UBE2E2: variants seen among roughly 807,000 people sequenced by gnomAD.
UBE2E2 encodes ubiquitin conjugating enzyme E2 E2, also known as ubiquitin-conjugating enzyme E2 E2.
A neutral mutation model predicts 24.7 loss-of-function variants in UBE2E2; 6 were observed. The observed-to-expected ratio is 0.24, with a 90% CI of 0.13 to 0.48. The LOEUF (loss-of-function observed/expected upper bound fraction) is 0.48. Among genes scored for constraint, UBE2E2 ranks in the 20% least tolerant of loss-of-function variants. UBE2E2 has a pLI of 0.99. For synonymous variants in UBE2E2, 104 were observed against 83.6 expected (o/e 1.24, Z -1.33); for missense variants, 169 against 245.0 (o/e 0.69, Z 2.07).
At chr3:23,304,041 G>A (rs1009621989) in intron 3 of UBE2E2, among the ~76,000 whole-genome samples, 13 of 152,130 alleles carry the variant, frequency 8.5e-5, no homozygotes, top group African/African-American at 3.1e-4. Context: ...CACGACTGTT[G>A]GGTAATTTCA....
At chr3:23,243,533 C>G (rs1187323960) in intron 3 of UBE2E2, among the ~76,000 whole-genome samples, 1 of 152,072 alleles carries the variant, frequency 6.6e-6, no homozygotes, top group African/African-American at 2.4e-5. Flanking sequence ...TAAAGAACAA[C>G]ATATATTCGT....
At chr3:23,380,019 C>G (rs994073990) in intron 3 of UBE2E2, among the ~76,000 whole-genome samples, 3 of 144,970 alleles carry the variant, frequency 2.1e-5, no homozygotes, top group Non-Finnish European at 3.0e-5. Context: ...TGAAACTACA[C>G]TAGAGCTAAA....
At chr3:23,539,522 C>T (rs955596070) in intron 5 of UBE2E2, among the ~76,000 whole-genome samples, 3 of 152,112 alleles carry the variant, frequency 2.0e-5, no homozygotes, top group Non-Finnish European at 4.4e-5. Context: ...TAAGAAAATA[C>T]AGTGTTGTGT....
In UBE2E2 at chr3:23,589,650, C is replaced by A. The variant is rs1464395174; in HGVS notation, c.509-84C>A. ...AGAACAGCAGCTTCTCATCTCCTACCCTCCCACTCCTTGCCAGCTTTCTGA... is the reference window on the plus strand; with the variant it reads ...AGAACAGCAGCTTCTCATCTCCTACACTCCCACTCCTTGCCAGCTTTCTGA... On this transcript the variant is annotated intron_variant, in intron 5 of 5. Coordinates refer to ENST00000396703, the MANE Select transcript of UBE2E2 (RefSeq NM_152653.4). This position sits in a 1 kb window ranked among gnomAD's most constrained non-coding sequence, Gnocchi z 4.1. 6.4e-6 allele frequency: 9 copies of A among 1,405,034 alleles called. No homozygotes were observed. In the South Asian group the frequency reaches 7.4e-5, roughly 12 times the overall value. The allele number at this position is 1,405,034 out of a possible 1,614,324, so 87.0% of individuals were successfully genotyped here.
intron 3 of UBE2E2, among the ~76,000 whole-genome samples, chr3:23,262,463 T>G (rs1351965018): frequency 6.6e-6 from 1 of 152,142 alleles, no homozygotes; most frequent in Non-Finnish European, 1.5e-5. Context: ...TGTTTTTTTG[T>G]GGAGATGCGG....
intron 5 of UBE2E2, among the ~76,000 whole-genome samples, chr3:23,571,414 C>T (rs954253890): frequency 2.0e-5 from 3 of 150,754 alleles, no homozygotes; most frequent in East Asian, 2.0e-4. Flanking sequence ...CTCAGCCTCC[C>T]GAGTAGCCGG....
At chr3:23,436,088 G>A (rs913182142) in intron 3 of UBE2E2, among the ~76,000 whole-genome samples, 1 of 152,120 alleles carries the variant, frequency 6.6e-6, no homozygotes, top group Non-Finnish European at 1.5e-5. Context: ...AACAATGCTT[G>A]CTCCCCAGCC....
intron 3 of UBE2E2, among the ~76,000 whole-genome samples, chr3:23,229,457 C>G (rs1466331376): frequency 6.6e-6 from 1 of 152,104 alleles, no homozygotes; most frequent in South Asian, 2.1e-4. Flanking sequence ...CACCCTTTCC[C>G]CCTGAGTCCC....
At chr3:23,367,228 G>A (rs1206455877) in intron 3 of UBE2E2, among the ~76,000 whole-genome samples, 1 of 152,158 alleles carries the variant, frequency 6.6e-6, no homozygotes, top group Non-Finnish European at 1.5e-5. Context: ...TAGAATGGCT[G>A]TGATATATTT....
chr3:23,342,771 T>C (rs1422895159), intron 3 of UBE2E2, among the ~76,000 whole-genome samples: 1 of 152,192 alleles, frequency 6.6e-6, no homozygotes, highest in Non-Finnish European at 1.5e-5. Flanking sequence ...GTGAATTTGA[T>C]AGAAATGGGA....
At chr3:23,272,947 T>C (rs73037723) in intron 3 of UBE2E2, among the ~76,000 whole-genome samples, 25,895 of 152,032 alleles carry the variant, frequency 0.17, 2,447 homozygotes, top group Non-Finnish European at 0.21. Context: ...ACAAGTCTTA[T>C]GGCAGGGTCA....
chr3:23,401,457 A>G (rs1697220104), intron 3 of UBE2E2, among the ~76,000 whole-genome samples: 1 of 152,160 alleles, frequency 6.6e-6, no homozygotes, highest in South Asian at 2.1e-4. Flanking sequence ...AAAACTCAGA[A>G]TCCGTTTGCT....
intron 2 of UBE2E2, among the ~76,000 whole-genome samples, chr3:23,214,298 A>T (rs933488287): frequency 1.3e-5 from 2 of 152,080 alleles, no homozygotes; most frequent in African/African-American, 2.4e-5. Flanking sequence ...ACTCTTGCAC[A>T]GGCTGGAGTA....
intron 5 of UBE2E2, among the ~76,000 whole-genome samples, chr3:23,544,657 T>C (rs893546329): frequency 2.0e-5 from 3 of 148,578 alleles, no homozygotes; most frequent in Non-Finnish European, 3.0e-5. Flanking sequence ...GAACTACAAG[T>C]AGATCTGAAG....
intron 3 of UBE2E2, among the ~76,000 whole-genome samples, chr3:23,310,696 C>G (rs914240880): frequency 1.3e-5 from 2 of 151,980 alleles, no homozygotes; most frequent in Admixed American, 6.6e-5. Flanking sequence ...CCAGCCTGGT[C>G]AATATAACAA....
intron 3 of UBE2E2, among the ~76,000 whole-genome samples, chr3:23,300,362 C>G (rs567602956): frequency 2.6e-5 from 4 of 152,278 alleles, no homozygotes; most frequent in South Asian, 4.1e-4. Context: ...ATAGTTGATG[C>G]AGTTTCTTCC....
At chr3:23,499,956 T>A (rs1699685318) in intron 4 of UBE2E2, among the ~76,000 whole-genome samples, 1 of 152,154 alleles carries the variant, frequency 6.6e-6, no homozygotes, top group Non-Finnish European at 1.5e-5. Context: ...TTTCTCCTCC[T>A]TTTTCTCCTC....
At chr3:23,351,830 C>G (rs974420095) in intron 3 of UBE2E2, among the ~76,000 whole-genome samples, 1 of 152,242 alleles carries the variant, frequency 6.6e-6, no homozygotes, top group Non-Finnish European at 1.5e-5. Context: ...ATCAACGAGA[C>G]AGAAAGTTAA....
At chr3:23,355,448 TAACTG>T (rs1695915615) in intron 3 of UBE2E2, among the ~76,000 whole-genome samples, 1 of 152,132 alleles carries the variant, frequency 6.6e-6, no homozygotes, top group Admixed American at 6.5e-5. Flanking sequence ...AGGGAGGAGA[TAACTG>T]TAGGGAGGGG....
Sources: gnomAD v4.1 joint callset for allele counts (sites outside exome capture counted in the v4.1 genomes callset) on GRCh38, gnomAD v4.1.1 for gene constraint, Gnocchi (gnomAD v3.1) non-coding constraint, MANE v1.5 for transcripts, NCBI Gene and HGNC (gene_info 2026-07-23, HGNC 2026-07-21) for gene names.